The following ADGRV1 variants were observed in gnomAD, a reference collection of about 807,000 sequenced individuals.
The protein encoded by ADGRV1 is adhesion G protein-coupled receptor V1.
Under a neutral mutation model 596.2 loss-of-function variants are expected in ADGRV1, and 359 were observed. The observed-to-expected ratio is 0.60, with a 90% CI of 0.55 to 0.66. The LOEUF is 0.66. Ranked by LOEUF, ADGRV1 falls within the 30% of genes least tolerant of loss-of-function variation. ADGRV1 has a pLI of 0.00. For synonymous variants in ADGRV1, 2,681 were observed against 2,679.2 expected, an observed-to-expected ratio of 1.00 and a Z score of -0.02; for missense variants, 7,274 against 7,575.6, an observed-to-expected ratio of 0.96 and a Z score of 1.48.
intron 85 of ADGRV1, among the ~76,000 whole-genome samples, chr5:91,016,709 A>T (rs1783200647): frequency 6.6e-6 from 1 of 151,966 alleles, no homozygotes; most frequent in Admixed American, 6.6e-5. Context: ...AATAAAAGAT[A>T]ATGTGACCAA....
At chr5:90,812,776 C>T (rs1017891175) in intron 74 of ADGRV1, among the ~76,000 whole-genome samples, 1 of 151,980 alleles carries the variant, frequency 6.6e-6, no homozygotes, top group African/African-American at 2.4e-5. Flanking sequence ...TTATTCTATT[C>T]TACAAGTTAT....
At chr5:90,559,456 A>G (rs1300108057) in intron 1 of ADGRV1, among the ~76,000 whole-genome samples, 1 of 152,178 alleles carries the variant, frequency 6.6e-6, no homozygotes, top group Non-Finnish European at 1.5e-5. Flanking sequence ...GGAGCTATAG[A>G]ATAATATGTA....
intron 66 of ADGRV1, 38 bp downstream of exon 66, chr5:90,783,363 A>G (rs768061754): frequency 1.5e-5 from 20 of 1,335,904 alleles, no homozygotes; most frequent in Admixed American, 7.4e-5. Flanking sequence ...CATATAAGAC[A>G]TAAGTATTGT....
chr5:91,018,778 T>G (rs1783386742), intron 85 of ADGRV1, among the ~76,000 whole-genome samples: 1 of 152,044 alleles, frequency 6.6e-6, no homozygotes, highest in Non-Finnish European at 1.5e-5. Flanking sequence ...CTAATACAAA[T>G]GACAGAAATC....
chr5:91,050,227 TA>T (rs1336545307), intron 85 of ADGRV1, among the ~76,000 whole-genome samples: 28 of 152,240 alleles, frequency 1.8e-4, no homozygotes. Flanking sequence ...AGCATGTTAA[TA>T]AGAACACTGC....
intron 83 of ADGRV1, among the ~76,000 whole-genome samples, chr5:90,965,120 C>T (rs987104793): frequency 1.3e-5 from 2 of 152,138 alleles, no homozygotes; most frequent in Non-Finnish European, 2.9e-5. Context: ...AAATGTATTT[C>T]ATGGGATTTT....
At chr5:91,066,701 C>A (rs1219308571) in intron 85 of ADGRV1, among the ~76,000 whole-genome samples, 2 of 152,156 alleles carry the variant, frequency 1.3e-5, no homozygotes, top group Non-Finnish European at 2.9e-5. Flanking sequence ...ATATCCCTGC[C>A]TCCTTTGCAA....
rs754616936 is a variant in ADGRV1 at position 90,829,105 on chromosome 5, C to G, written c.16530C>G (p.His5510Gln). The change falls in exon 77 of 90, where the codon CAC becomes CAG. Residue 5510 changes from histidine (H) to glutamine (Q), a missense_variant. His to Gln is a conservative substitution (Grantham distance 24). This residue lies in a region of ADGRV1 where 1,874 missense variants were observed against 1,970.2 expected (regional missense o/e 0.95). Transcript: ENST00000405460. Reference protein sequence around the residue: ...FSVGSRLAVAHKKATLISLQV... With the variant: ...FSVGSRLAVAQKKATLISLQV... ...TGGGTTCTCGGCTGGCAGTGGCTCA[C>G]AAGAAGGCCACTTTAATCAGTCTGC... The G allele has an allele frequency of 6.2e-7, 1 of 1,611,992 alleles. No individual in the cohort carries two copies. Among genetic ancestry groups the G allele is most frequent in the African/African-American group, 1.3e-5 (1 of 74,866 alleles).
At chr5:91,111,410 T>C (rs1002809124) in intron 87 of ADGRV1, among the ~76,000 whole-genome samples, 2 of 152,198 alleles carry the variant, frequency 1.3e-5, no homozygotes, top group East Asian at 3.9e-4. Flanking sequence ...TCTTTGCTCA[T>C]AGAAAATATA....
rs1305519459 is a variant in ADGRV1, at chr5:90,985,477, A to G, written c.18107A>G (p.Tyr6036Cys). 13 of 1,613,768 alleles carry G rather than the reference A, an allele frequency of 8.1e-6. No homozygotes were observed. The highest frequency in any genetic ancestry group is 4.4e-5 in the South Asian group (4 of 91,066). The change falls in exon 85 of 90, where the codon TAT (tyrosine) becomes TGT (cysteine). Residue 6036 changes from tyrosine (Y) to cysteine (C), a missense_variant. Physicochemically the swap from Tyr to Cys is radical, Grantham distance 194. Coordinates refer to ENST00000405460, the MANE Select transcript of ADGRV1 (RefSeq NM_032119.4). ...ILLIVILKGI[Y>C]HQSMSQIYGL... ...CTCATAGTTATTTTGAAAGGAATCT[A>G]TCATCAGAGCATGTCACAGATCTAT...
chr5:90,595,333 G>A (rs1253872393), intron 1 of ADGRV1, among the ~76,000 whole-genome samples: 31 of 60,934 alleles, frequency 5.1e-4, no homozygotes, highest in Admixed American at 2.4e-3. Context: ...CTGGCCGGGC[G>A]GGGGGCTGAC....
intron 83 of ADGRV1, among the ~76,000 whole-genome samples, chr5:90,880,049 G>A (rs1264478512): frequency 6.6e-6 from 1 of 151,758 alleles, no homozygotes; most frequent in Non-Finnish European, 1.5e-5. Context: ...AGAAGTAATG[G>A]TATTATTAAT....
At chr5:90,896,546 A>C (rs565534049) in intron 83 of ADGRV1, among the ~76,000 whole-genome samples, 1 of 152,182 alleles carries the variant, frequency 6.6e-6, no homozygotes, top group African/African-American at 2.4e-5. Context: ...AAGTGCTGGA[A>C]CTATAGGTGT....
chr5:90,565,353 T>TC (rs1755507352), intron 1 of ADGRV1, among the ~76,000 whole-genome samples: 1 of 152,196 alleles, frequency 6.6e-6, no homozygotes, highest in Non-Finnish European at 1.5e-5. Flanking sequence ...TCCACTGCCT[T>TC]CCAATTCCTG....
intron 85 of ADGRV1, among the ~76,000 whole-genome samples, chr5:91,034,766 C>T (rs952205568): frequency 6.6e-5 from 10 of 152,152 alleles, no homozygotes; most frequent in Admixed American, 5.2e-4. Flanking sequence ...GAGTGACAAG[C>T]AGACAAAACA....
At chr5:90,604,091 T>A (rs1262180365) in intron 1 of ADGRV1, among the ~76,000 whole-genome samples, 1 of 151,830 alleles carries the variant, frequency 6.6e-6, no homozygotes, top group Non-Finnish European at 1.5e-5. Context: ...AGGCAAGGGA[T>A]GCCATGGAGA....
At chr5:90,588,909 T>G (rs1759118541) in intron 1 of ADGRV1, among the ~76,000 whole-genome samples, 1 of 152,164 alleles carries the variant, frequency 6.6e-6, no homozygotes, top group African/African-American at 2.4e-5. Flanking sequence ...CCTAACTGCC[T>G]CCTTATAACC....
At chr5:91,112,359 C>T (rs1321886506) in intron 87 of ADGRV1, among the ~76,000 whole-genome samples, 1 of 152,084 alleles carries the variant, frequency 6.6e-6, no homozygotes, top group African/African-American at 2.4e-5. Context: ...TTTCCATTTT[C>T]TGAGCATTCT....
At chr5:90,776,001 A>C (rs879899765) in intron 60 of ADGRV1, among the ~76,000 whole-genome samples, 2 of 152,202 alleles carry the variant, frequency 1.3e-5, no homozygotes, top group African/African-American at 2.4e-5. Flanking sequence ...AATATTTGAC[A>C]CAGGTTTATA....
Sources: allele counts gnomAD v4.1 joint callset (sites outside exome capture counted in the v4.1 genomes callset), GRCh38; gene constraint gnomAD v4.1.1; regional missense constraint gnomAD v4.1.1; transcripts MANE v1.5; gene names NCBI Gene and HGNC (gene_info 2026-07-23, HGNC 2026-07-21).